The following GXYLT1 variants were observed in gnomAD, a reference collection of about 807,000 sequenced individuals.
GXYLT1 encodes glucoside xylosyltransferase 1, also known as glycosyltransferase 8 domain containing 3.
In GXYLT1, 29 loss-of-function variants were observed where a neutral mutation model predicts 54.0. The observed-to-expected ratio is 0.54, with a 90% confidence interval of 0.40 to 0.73. The LOEUF is 0.73. Ranked by LOEUF, GXYLT1 falls within the 30% of genes least tolerant of loss-of-function variation. The probability of loss-of-function intolerance (pLI) is 0.00; values close to 1 mark genes in which losing one functional copy is unlikely to be tolerated. For synonymous variants in GXYLT1, 176 were observed against 204.1 expected (o/e 0.86, Z 1.17); for missense variants, 490 against 553.4 (o/e 0.89, Z 1.15).
chr12:42,092,155 T>A (rs1378133678), intron 7 of GXYLT1, among the ~76,000 whole-genome samples: 1 of 152,214 alleles, frequency 6.6e-6, no homozygotes, highest in Non-Finnish European at 1.5e-5. Flanking sequence ...TTCTCACTGC[T>A]ATTGATGAGG....
intron 4 of GXYLT1, among the ~76,000 whole-genome samples, chr12:42,108,583 C>T (rs1368387081): frequency 6.6e-6 from 1 of 152,008 alleles, no homozygotes; most frequent in Non-Finnish European, 1.5e-5. Flanking sequence ...CAATCTTAAT[C>T]CCTTATTTGT....
At chr12:42,122,983 CTAA>C (rs147283721) in intron 2 of GXYLT1, among the ~76,000 whole-genome samples, 1 of 152,078 alleles carries the variant, frequency 6.6e-6, no homozygotes, top group Non-Finnish European at 1.5e-5. Context: ...AATCCTGAAT[CTAA>C]TAATAAGTAG....
At chr12:42,127,615 A>C (rs1400159001) in intron 2 of GXYLT1, among the ~76,000 whole-genome samples, 1 of 152,212 alleles carries the variant, frequency 6.6e-6, no homozygotes, top group East Asian at 1.9e-4. Context: ...ACACTCCTGC[A>C]GTCAGTAAGG....
chr12:42,108,726 A>G (rs928854841), intron 4 of GXYLT1, among the ~76,000 whole-genome samples: 2 of 152,194 alleles, frequency 1.3e-5, no homozygotes, highest in Non-Finnish European at 2.9e-5. Flanking sequence ...TGGATTCAAT[A>G]AACCATATTC....
chr12:42,101,612 C>T (rs1157287322), intron 5 of GXYLT1, among the ~76,000 whole-genome samples: 1 of 151,794 alleles, frequency 6.6e-6, no homozygotes. Context: ...CACTCTGTCG[C>T]CCAGGCTGGA....
intron 2 of GXYLT1, among the ~76,000 whole-genome samples, chr12:42,127,298 A>G (rs1245064511): frequency 6.6e-6 from 1 of 152,204 alleles, no homozygotes. Flanking sequence ...TTAGTTCTAA[A>G]TAAGAAACTA....
rs554631991 is a variant in GXYLT1, at chr12:42,083,881, A to G, written c.*3905T>C. 2 of 152,338 alleles carry G rather than the reference A, an allele frequency of 1.3e-5. No individual in the cohort carries two copies. The highest frequency in any genetic ancestry group is 6.5e-5 in the Admixed American group (1 of 15,300). The allele number at this position is 152,338 out of a possible 1,614,324, so 9.4% of individuals were successfully genotyped here. A position where few individuals can be genotyped will look rare whatever the true frequency, so the allele number is the denominator to read the frequency against. On this transcript the variant is annotated 3_prime_UTR_variant, in exon 8 of 8. Transcript: ENST00000398675. ...AACCTCCACTGGGGAATATGTAGTT[A>G]GTCTTGCAGTCTAACACTTGGGATG...
chr12:42,095,641 A>G (rs1028515166), intron 7 of GXYLT1, among the ~76,000 whole-genome samples: 6 of 152,208 alleles, frequency 3.9e-5, no homozygotes, highest in African/African-American at 1.4e-4. Context: ...CAGTTAGGAT[A>G]AACGGGCTAA....
chr12:42,095,040 A>G (rs1180432616), intron 7 of GXYLT1, among the ~76,000 whole-genome samples: 1 of 152,198 alleles, frequency 6.6e-6, no homozygotes, highest in Non-Finnish European at 1.5e-5. Context: ...TATTTCATAA[A>G]TATATAAAAA....
chr12:42,101,209 A>G (rs1185181023), intron 5 of GXYLT1, among the ~76,000 whole-genome samples: 1 of 152,166 alleles, frequency 6.6e-6, no homozygotes, highest in African/African-American at 2.4e-5. Context: ...AAAGGAGTTC[A>G]AGTCAATAAG....
chr12:42,140,440 T>C (rs1265845057), intron 1 of GXYLT1, among the ~76,000 whole-genome samples: 1 of 152,006 alleles, frequency 6.6e-6, no homozygotes, highest in Non-Finnish European at 1.5e-5. Context: ...CAAAATGATA[T>C]TAGCTAAAAT....
rs796749360 is a variant in GXYLT1 at position 42,084,035 on chromosome 12, T to C, written c.*3751A>G. 3.3e-5 allele frequency: 5 copies of C among 151,162 alleles called. No individual in the cohort carries two copies. The highest frequency in any genetic ancestry group is 7.3e-5 in the African/African-American group (3 of 41,044). 9.4% of individuals were successfully genotyped at this position (151,162 alleles called of 1,614,324 possible). A position where few individuals can be genotyped will look rare whatever the true frequency, so the allele number is the denominator to read the frequency against. ...ACTAAATGATCAGTGAGTAGGGTGA[T>C]TGGGAAACAACTCTAGTACTAACAA... On this transcript the variant is annotated 3_prime_UTR_variant, in exon 8 of 8. Transcript: ENST00000398675.
chr12:42,117,090 G>C (rs2065500437), intron 3 of GXYLT1, among the ~76,000 whole-genome samples: 1 of 142,434 alleles, frequency 7.0e-6, no homozygotes, highest in Middle Eastern at 3.5e-3. Flanking sequence ...AGAACACATG[G>C]ACACAGGAAG....
At chr12:42,103,869 AACATGTC>A (rs1343686389) in intron 5 of GXYLT1, among the ~76,000 whole-genome samples, 1 of 152,168 alleles carries the variant, frequency 6.6e-6, no homozygotes, top group Non-Finnish European at 1.5e-5. Context: ...GGTAGCTTAG[AACATGTC>A]ACAGAAAAAA....
At chr12:42,120,633 C>T (rs993438190) in intron 2 of GXYLT1, among the ~76,000 whole-genome samples, 2 of 152,272 alleles carry the variant, frequency 1.3e-5, no homozygotes, top group African/African-American at 2.4e-5. Context: ...CAGGCTCAAG[C>T]CATCTTCCCA....
In GXYLT1 at chr12:42,144,462, A is replaced by ACGCCGGCGCCTCTCACGG. The variant is rs954182814; in HGVS notation, c.167_184dup (p.Ala56_Gly61dup). 9.1e-7 allele frequency: 1 copy of ACGCCGGCGCCTCTCACGG among 1,098,994 alleles called. No homozygotes were observed. The highest frequency in any genetic ancestry group is 2.2e-5 in the African/African-American group (1 of 45,464). The allele number at this position is 1,098,994 out of a possible 1,614,324, so 68.1% of individuals were successfully genotyped here. A position where few individuals can be genotyped will look rare whatever the true frequency, so the allele number is the denominator to read the frequency against. Reference sequence around the variant, plus strand: ...GCCGGGATGCGCTGCGGGGCCCGCGACGCCGGCGCCTCTCACGGCGCCGCG... The same window carrying ACGCCGGCGCCTCTCACGG: ...GCCGGGATGCGCTGCGGGGCCCGCGACGCCGGCGCCTCTCACGGCGCCGGCGCCTCTCACGGCGCCGCG... On this transcript the variant is annotated inframe_insertion, in exon 1 of 8. Transcript: ENST00000398675.
intron 3 of GXYLT1, among the ~76,000 whole-genome samples, chr12:42,113,739 G>C (rs910116635): frequency 6.6e-6 from 1 of 150,842 alleles, no homozygotes; most frequent in Non-Finnish European, 1.5e-5. Flanking sequence ...AAGTTAACAA[G>C]GATACCCAGG....
chr12:42,088,172 C>T (rs1162398475), intron 7 of GXYLT1, among the ~76,000 whole-genome samples: 2 of 151,968 alleles, frequency 1.3e-5, no homozygotes, highest in African/African-American at 4.8e-5. Context: ...TCCTGGAGAA[C>T]ATGCGCAAGG....
rs371165538 is a variant in GXYLT1, at chr12:42,109,584, C to T, written c.594G>A (p.Ser198=). 7.7e-6 allele frequency: 12 copies of T among 1,563,272 alleles called. No individual in the cohort carries two copies. Among genetic ancestry groups the T allele is most frequent in the East Asian group, 2.3e-5 (1 of 42,828 alleles). The change falls in exon 4 of 8, where the codon TCG becomes TCA. Residue 198 remains serine, a synonymous_variant. Transcript: ENST00000398675. The part of the protein sequence containing the change: ...EWKKLFKPCA[S]QRLFLPLILK... The stretch of plus-strand genomic sequence containing the variant: ...AACTTACCGGCAAGAACAATCTCTG[C>T]GAAGCACATGGTTTAAAGAGTTTTT...
Sources: allele counts gnomAD v4.1 joint callset (sites outside exome capture counted in the v4.1 genomes callset), GRCh38; gene constraint gnomAD v4.1.1; transcripts MANE v1.5; gene names NCBI Gene and HGNC (gene_info 2026-07-23, HGNC 2026-07-21).